The following ARSB variants were observed in gnomAD, a reference collection of about 807,000 sequenced individuals.
ARSB encodes arylsulfatase B.
A neutral mutation model predicts 50.9 loss-of-function variants in ARSB; 41 were observed. The ratio of observed to expected loss-of-function variants is 0.81; its 90% CI spans 0.63 to 1.04. ARSB has a LOEUF of 1.04. Among genes scored for constraint, ARSB ranks in the 50% least tolerant of loss-of-function variants. ARSB has a pLI of 0.00. For synonymous variants in ARSB, 269 were observed against 284.8 expected (o/e 0.94, Z 0.56); for missense variants, 672 against 693.3 (o/e 0.97, Z 0.35).
intron 6 of ARSB, among the ~76,000 whole-genome samples, chr5:78,818,609 T>C (rs1352115675): frequency 1.6e-5 from 1 of 64,100 alleles, no homozygotes; most frequent in East Asian, 3.0e-4. Flanking sequence ...TTTTTTTTTT[T>C]TTTTTTTTTT....
intron 6 of ARSB, among the ~76,000 whole-genome samples, chr5:78,785,339 T>C (rs1387955790): frequency 6.6e-6 from 1 of 152,256 alleles, no homozygotes; most frequent in Non-Finnish European, 1.5e-5. Flanking sequence ...CTGAAGTTGT[T>C]GGGCTCAATG....
intron 4 of ARSB, among the ~76,000 whole-genome samples, chr5:78,945,881 A>G (rs1751206152): frequency 6.6e-6 from 1 of 152,156 alleles, no homozygotes; most frequent in Admixed American, 6.6e-5. Flanking sequence ...TTTCCATCTC[A>G]GAAAGCCTCC....
At chr5:78,792,466 G>A (rs1253255822) in intron 6 of ARSB, among the ~76,000 whole-genome samples, 5 of 151,778 alleles carry the variant, frequency 3.3e-5, no homozygotes, top group Non-Finnish European at 5.9e-5. Context: ...CTTGCCCTAT[G>A]CCATCACTCT....
intron 5 of ARSB, among the ~76,000 whole-genome samples, chr5:78,878,563 G>GTTT (rs35719104): frequency 2.7e-5 from 4 of 147,408 alleles, no homozygotes; most frequent in African/African-American, 2.5e-5. Flanking sequence ...CATTTTATGT[G>GTTT]TTTTTTTTTT....
intron 4 of ARSB, among the ~76,000 whole-genome samples, chr5:78,920,500 G>A (rs914515782): frequency 3.9e-5 from 6 of 152,156 alleles, no homozygotes; most frequent in Admixed American, 3.9e-4. Context: ...GAAGTCAGGG[G>A]TAGAAAGATA....
intron 4 of ARSB, among the ~76,000 whole-genome samples, chr5:78,903,344 C>T (rs1429549134): frequency 6.6e-6 from 1 of 152,212 alleles, no homozygotes; most frequent in South Asian, 2.1e-4. Context: ...AGCCTGCCCA[C>T]TCCATGTATA....
chr5:78,955,295 C>G lies in ARSB; in HGVS notation c.898G>C (p.Asp300His). Residue 300 changes from aspartate (D) to histidine (H), a missense_variant and splice_region_variant, in exon 4 of 8, where the codon GAT (aspartate) becomes CAT (histidine). Physicochemically the swap from Asp to His is moderately conservative, Grantham distance 81. Coordinates refer to ENST00000264914, the MANE Select transcript of ARSB (RefSeq NM_000046.5). ...WNNTVFIFSTDNGGQTLAGGN... is the reference protein window; with the variant it reads ...WNNTVFIFSTHNGGQTLAGGN... Reference sequence around the variant, plus strand: ...ATGATTTTCCTATTGACAGACTTACCTGTAGAAAAGATGAACACCGTGTTG... The same window carrying G: ...ATGATTTTCCTATTGACAGACTTACGTGTAGAAAAGATGAACACCGTGTTG... 6.2e-7 allele frequency: 1 copy of G among 1,614,108 alleles called. No individual in the cohort carries two copies. Among genetic ancestry groups the G allele is most frequent in the Non-Finnish European group, 8.5e-7 (1 of 1,180,006 alleles).
At chr5:78,924,114 C>G (rs1749944420) in intron 4 of ARSB, among the ~76,000 whole-genome samples, 1 of 152,034 alleles carries the variant, frequency 6.6e-6, no homozygotes, top group Admixed American at 6.6e-5. Context: ...TGGCAAAAGC[C>G]CAGATAGTGA....
chr5:78,932,273 G>C (rs887771187), intron 4 of ARSB, among the ~76,000 whole-genome samples: 1 of 152,164 alleles, frequency 6.6e-6, no homozygotes, highest in African/African-American at 2.4e-5. Context: ...TGTGACTGAG[G>C]CAGCCTATAG....
At chr5:78,872,186 G>A (rs1454030156) in intron 5 of ARSB, among the ~76,000 whole-genome samples, 1 of 149,846 alleles carries the variant, frequency 6.7e-6, no homozygotes, top group Non-Finnish European at 1.5e-5. Context: ...GAGAGGATGT[G>A]GAGAAACAGG....
intron 4 of ARSB, among the ~76,000 whole-genome samples, 183 bp from the exon 5 acceptor site, chr5:78,886,010 AGTAAG>A (rs1252460692): frequency 6.6e-6 from 1 of 152,204 alleles, no homozygotes; most frequent in Admixed American, 6.5e-5. Context: ...TTCAGACATA[AGTAAG>A]GCCCAGTGTG....
rs147495977 is a variant in ARSB, at chr5:78,885,823, G to A, written c.903C>T (p.Asn301=). ...NNTVFIFSTD[N]GGQTLAGGNN... ...TACCCCCTGCCAAAGTCTGCCCTCC[G>A]TTATCTGAAACACAGTAAGGTCTTG... is the stretch of plus-strand genomic sequence containing the variant. Residue 301 remains asparagine, a synonymous_variant, in exon 5 of 8, where the codon AAC becomes AAT. Transcript: ENST00000264914. 2.3e-4 allele frequency: 374 copies of A among 1,614,038 alleles called. No individual in the cohort carries two copies. The African/African-American group carries it at 3.8e-3, about 16-fold the overall frequency.
chr5:78,869,699 C>G (rs1355527515), intron 5 of ARSB, among the ~76,000 whole-genome samples: 1 of 150,104 alleles, frequency 6.7e-6, no homozygotes, highest in East Asian at 2.0e-4. Context: ...TAAATGCCCA[C>G]AAGAGAAAGC....
At chr5:78,824,622 G>A (rs1744361484) in intron 6 of ARSB, among the ~76,000 whole-genome samples, 1 of 152,168 alleles carries the variant, frequency 6.6e-6, no homozygotes, top group Admixed American at 6.5e-5. Flanking sequence ...TCCCAGGTGA[G>A]TTCCTAGGAT....
intron 4 of ARSB, among the ~76,000 whole-genome samples, chr5:78,892,047 A>G (rs769152769): frequency 6.6e-6 from 1 of 152,138 alleles, no homozygotes; most frequent in African/African-American, 2.4e-5. Context: ...CTGGCATAGA[A>G]GCAGTGCTAA....
chr5:78,902,376 T>G (rs138857282), intron 4 of ARSB, among the ~76,000 whole-genome samples: 58 of 152,318 alleles, frequency 3.8e-4, no homozygotes, highest in African/African-American at 1.3e-3. Context: ...ATTTACCACA[T>G]GATCCACCAA....
At chr5:78,838,304 T>C (rs1302362479) in intron 6 of ARSB, among the ~76,000 whole-genome samples, 1 of 152,166 alleles carries the variant, frequency 6.6e-6, no homozygotes, top group African/African-American at 2.4e-5. Flanking sequence ...AAAATGTGTT[T>C]CAGGCATAGG....
chr5:78,794,630 G>A (rs1255754213), intron 6 of ARSB, among the ~76,000 whole-genome samples: 1 of 152,070 alleles, frequency 6.6e-6, no homozygotes, highest in Non-Finnish European at 1.5e-5. Flanking sequence ...AGGGAGAGGA[G>A]GAAGAATGTT....
In ARSB at chr5:78,780,679, AAC is replaced by A. The variant is rs751726931; in HGVS notation, c.1337-19_1337-18del. ...AACCACAGCCTAGCAAAGAAAACAA[AAC>A]AGTTTACTGAGGGAGAAGCACAGAG... On this transcript the variant is annotated intron_variant, in intron 7 of 7. Coordinates refer to ENST00000264914, the MANE Select transcript of ARSB (RefSeq NM_000046.5). 2 of 1,613,842 alleles carry A rather than the reference AAC, an allele frequency of 1.2e-6. No homozygotes were observed. Among genetic ancestry groups the A allele is most frequent in the East Asian group, 4.5e-5 (2 of 44,878 alleles).
Sources: allele counts gnomAD v4.1 joint callset (sites outside exome capture counted in the v4.1 genomes callset), GRCh38; gene constraint gnomAD v4.1.1; transcripts MANE v1.5; gene names NCBI Gene and HGNC (gene_info 2026-07-23, HGNC 2026-07-21).